The following ACYP2 variants were observed in gnomAD, a reference collection of about 807,000 sequenced individuals.
ACYP2 encodes acylphosphatase 2.
Under a neutral mutation model 11.2 loss-of-function variants are expected in ACYP2, and 12 were observed. The ratio of observed to expected loss-of-function variants is 1.08; its 90% CI spans 0.69 to 1.74. ACYP2 has a LOEUF of 1.74. Ranked by LOEUF, ACYP2 falls within the 40% of genes most tolerant of loss-of-function variation. The probability of loss-of-function intolerance (pLI) is 0.00; values close to 1 mark genes in which losing one functional copy is unlikely to be tolerated. For synonymous variants in ACYP2, 43 were observed against 32.2 expected (o/e 1.33, Z -1.13); for missense variants, 134 against 101.9 (o/e 1.31, Z -1.35).
intron 2 of ACYP2, among the ~76,000 whole-genome samples, chr2:54,007,138 C>CAAAAAAAAAAAAAAAAAAAAAAAAAA (rs70944145): frequency 7.7e-5 from 4 of 52,206 alleles, no homozygotes; most frequent in Admixed American, 2.9e-4. Context: ...GACTCTGTGT[C>CAAAAAAAAAAAAAAAAAAAAAAAAAA]AAAAAAAAAA....
intron 4 of ACYP2, among the ~76,000 whole-genome samples, chr2:54,092,274 C>T (rs910311001): frequency 6.6e-6 from 1 of 152,144 alleles, no homozygotes; most frequent in African/African-American, 2.4e-5. Flanking sequence ...AGAATAGGGA[C>T]AGGAACCACA....
intron 6 of ACYP2, among the ~76,000 whole-genome samples, chr2:54,175,497 A>AT (rs368235417): frequency 2.8e-3 from 421 of 151,804 alleles, no homozygotes; most frequent in African/African-American, 9.6e-3. Context: ...GGATTCATTG[A>AT]TTTTTTTGAA....
chr2:54,018,355 T>G (rs1051781622), intron 2 of ACYP2, among the ~76,000 whole-genome samples: 3 of 152,146 alleles, frequency 2.0e-5, no homozygotes, highest in Middle Eastern at 6.8e-3. Flanking sequence ...GCTGGTATAG[T>G]GGGAAAGAAA....
intron 6 of ACYP2, among the ~76,000 whole-genome samples, chr2:54,259,590 T>C (rs1402920275): frequency 1.3e-5 from 2 of 151,164 alleles, no homozygotes; most frequent in African/African-American, 4.9e-5. Context: ...GGTCTGAGAA[T>C]TGACCGTCGG....
chr2:54,056,244 A>G (rs935058277), intron 3 of ACYP2, among the ~76,000 whole-genome samples: 8 of 152,236 alleles, frequency 5.3e-5, no homozygotes, highest in African/African-American at 1.7e-4. Flanking sequence ...TTATCTGCTT[A>G]TCTACTGAAC....
intron 4 of ACYP2, among the ~76,000 whole-genome samples, chr2:54,067,882 CT>C (rs1160148488): frequency 1.3e-5 from 2 of 152,086 alleles, no homozygotes; most frequent in African/African-American, 4.8e-5. Flanking sequence ...GCACAAATTG[CT>C]TTATTATTAG....
chr2:54,238,173 T>C (rs540810069), intron 6 of ACYP2, among the ~76,000 whole-genome samples: 3 of 152,350 alleles, frequency 2.0e-5, no homozygotes, highest in African/African-American at 7.2e-5. Context: ...CATATTGTTC[T>C]CTAACTCTTT....
chr2:54,222,811 G>A (rs1572956789), intron 6 of ACYP2, among the ~76,000 whole-genome samples: 1 of 152,066 alleles, frequency 6.6e-6, no homozygotes, highest in Admixed American at 6.6e-5. Context: ...GATTTGCCAT[G>A]TCAGTCTGAG....
chr2:54,099,775 C>G (rs1023113297), intron 4 of ACYP2, among the ~76,000 whole-genome samples: 1 of 152,100 alleles, frequency 6.6e-6, no homozygotes, highest in Non-Finnish European at 1.5e-5. Context: ...GCAGATATCT[C>G]TTCAACATAC....
chr2:54,291,806 C>G (rs764740618), intron 6 of ACYP2, among the ~76,000 whole-genome samples: 2 of 152,072 alleles, frequency 1.3e-5, no homozygotes, highest in Non-Finnish European at 2.9e-5. Flanking sequence ...CAGTCAGATT[C>G]CCCTAATAGG....
At chr2:54,288,328 T>A (rs1027183170) in intron 6 of ACYP2, among the ~76,000 whole-genome samples, 3 of 151,952 alleles carry the variant, frequency 2.0e-5, no homozygotes, top group Non-Finnish European at 4.4e-5. Flanking sequence ...AACTATAGCC[T>A]CATTAACTTG....
intron 2 of ACYP2, among the ~76,000 whole-genome samples, chr2:54,034,870 C>A (rs1674793097): frequency 6.6e-6 from 1 of 151,712 alleles, no homozygotes; most frequent in Non-Finnish European, 1.5e-5. Flanking sequence ...ATTAGCTGGG[C>A]GTCGTGGCAG....
chr2:54,077,397 C>T (rs576206805), intron 4 of ACYP2, among the ~76,000 whole-genome samples: 1 of 152,276 alleles, frequency 6.6e-6, no homozygotes, highest in Admixed American at 6.5e-5. Flanking sequence ...TAACTCTCTG[C>T]CTAGCATATA....
At chr2:54,285,924 G>C (rs907790000) in intron 6 of ACYP2, among the ~76,000 whole-genome samples, 1 of 152,138 alleles carries the variant, frequency 6.6e-6, no homozygotes, top group African/African-American at 2.4e-5. Flanking sequence ...GGTCTCTGAA[G>C]GTATGGAGTT....
intron 6 of ACYP2, among the ~76,000 whole-genome samples, chr2:54,202,425 T>C (rs1684883147): frequency 8.3e-6 from 1 of 121,010 alleles, no homozygotes; most frequent in East Asian, 2.4e-4. Context: ...TTTTTTTTTC[T>C]GAGATGGAAT....
chr2:54,078,812 G>A (rs1009936517), intron 4 of ACYP2, among the ~76,000 whole-genome samples: 2 of 151,966 alleles, frequency 1.3e-5, no homozygotes, highest in Admixed American at 1.3e-4. Flanking sequence ...TGGCCAGGCT[G>A]GTCTGGAACT....
rs185899927 is a variant in ACYP2, at chr2:54,160,595, G to C, written c.404+21847G>C. ...AATGGTGACAAGCATGTCAGAAAGA[G>C]AAGGTGGAATAAGGACCTTTCAGGA... On this transcript the variant is annotated intron_variant, in intron 6 of 6. Transcript: ENST00000607452. Among the ~76,000 whole-genome samples the C allele has an allele frequency of 6.3e-4, 96 of 152,334 alleles. 1 individual carries two copies. The East Asian group carries it at 0.016, about 26-fold the overall frequency.
At chr2:54,103,980 G>C (rs10169648) in intron 4 of ACYP2, among the ~76,000 whole-genome samples, 30,387 of 152,170 alleles carry the variant, frequency 0.2, 4,087 homozygotes, top group African/African-American at 0.39. Flanking sequence ...GCAGGTTAGA[G>C]AGAGTGCTGC....
chr2:54,169,483 C>CT (rs1469570577), intron 6 of ACYP2, among the ~76,000 whole-genome samples: 5 of 151,790 alleles, frequency 3.3e-5, no homozygotes. Context: ...GAGAATAGGT[C>CT]TTGCTATGTT....
Sources: gnomAD v4.1 joint callset for allele counts (sites outside exome capture counted in the v4.1 genomes callset) on GRCh38, gnomAD v4.1.1 for gene constraint, MANE v1.5 for transcripts, NCBI Gene and HGNC (gene_info 2026-07-23, HGNC 2026-07-21) for gene names.